TNFRSF11B: variants seen among roughly 807,000 people sequenced by gnomAD.
TNFRSF11B encodes TNF receptor superfamily member 11b.
A neutral mutation model predicts 43.4 loss-of-function variants in TNFRSF11B; 16 were observed. The ratio of observed to expected loss-of-function variants is 0.37; its 90% CI spans 0.25 to 0.56. The LOEUF is 0.56. Among genes scored for constraint, TNFRSF11B ranks in the 20% least tolerant of loss-of-function variants. TNFRSF11B has a pLI of 0.80. For missense variants in TNFRSF11B, 444 were observed against 490.1 expected (o/e 0.91, Z 0.89); for synonymous variants, 185 against 181.8 (o/e 1.02, Z -0.14).
chr8:118,927,936 C>T (rs1253484589), intron 3 of TNFRSF11B, among the ~76,000 whole-genome samples: 1 of 152,062 alleles, frequency 6.6e-6, no homozygotes. Flanking sequence ...GAGCTTAACA[C>T]AACCAGAGTA....
intron 1 of TNFRSF11B, among the ~76,000 whole-genome samples, chr8:118,937,732 CTG>C (rs1812423230): frequency 6.6e-6 from 1 of 152,130 alleles, no homozygotes; most frequent in Admixed American, 6.5e-5. Flanking sequence ...GGTGAGATAA[CTG>C]TTAAAACAGG....
At chr8:118,928,605 C>G (rs957455748) in intron 3 of TNFRSF11B, 133 bp downstream of exon 3, 6 of 976,980 alleles carry the variant, frequency 6.1e-6, no homozygotes, top group Non-Finnish European at 8.1e-6. Context: ...TCGAGAGTAG[C>G]CTTAGCTGGT....
Position 118,936,704 on chromosome 8 carries a change from C to T in TNFRSF11B, c.31-3404G>A, listed in dbSNP as rs371878824. Among the ~76,000 whole-genome samples, 26 of 151,964 alleles carry T rather than the reference C, an allele frequency of 1.7e-4. No homozygotes were observed. The East Asian group carries it at 2.3e-3, about 14-fold the overall frequency. ...TCTGCCCAAGCTGGGACACATGCAT[C>T]GGTGTGTCTGAGGAAGGATGAGGTG... On this transcript the variant is annotated intron_variant, in intron 1 of 4. Coordinates refer to ENST00000297350, the MANE Select transcript of TNFRSF11B (RefSeq NM_002546.4).
chr8:118,936,596 C>T (rs540278695), intron 1 of TNFRSF11B, among the ~76,000 whole-genome samples: 333 of 152,228 alleles, frequency 2.2e-3, no homozygotes, highest in Non-Finnish European at 3.8e-3. Context: ...TTGGATACAG[C>T]TCCTTTGCCA....
intron 1 of TNFRSF11B, among the ~76,000 whole-genome samples, chr8:118,935,791 C>T (rs564797300): frequency 1.4e-5 from 2 of 140,638 alleles, no homozygotes; most frequent in South Asian, 4.6e-4. Context: ...TTTCAAGAGG[C>T]CTGGCTTAGA....
intron 1 of TNFRSF11B, 115 bp downstream of exon 1, chr8:118,951,677 T>G: frequency 9.5e-7 from 1 of 1,047,182 alleles, no homozygotes; most frequent in Admixed American, 2.0e-5. Context: ...CCCAAGCCTC[T>G]CCTGGGAGGG....
intron 1 of TNFRSF11B, among the ~76,000 whole-genome samples, chr8:118,935,216 G>T (rs971304715): frequency 5.9e-5 from 9 of 152,164 alleles, no homozygotes; most frequent in Admixed American, 2.0e-4. Flanking sequence ...AATTGTCTCA[G>T]GTGGAGTGGG....
intron 1 of TNFRSF11B, among the ~76,000 whole-genome samples, chr8:118,939,684 G>A (rs185613927): frequency 2.0e-5 from 3 of 152,320 alleles, no homozygotes; most frequent in Non-Finnish European, 4.4e-5. Flanking sequence ...ACATCTATCT[G>A]CCTTCTATAT....
At chr8:118,927,639 G>T (rs1333588119) in intron 3 of TNFRSF11B, among the ~76,000 whole-genome samples, 1 of 149,796 alleles carries the variant, frequency 6.7e-6, no homozygotes, top group Non-Finnish European at 1.5e-5. Flanking sequence ...TGCTGGAACT[G>T]GGTTAGAATC....
chr8:118,951,829 C>T lies in TNFRSF11B; in HGVS notation c.-8G>A, dbSNP rs199763003. 6.9e-6 allele frequency: 11 copies of T among 1,588,402 alleles called. No homozygotes were observed. In the Admixed American group the frequency reaches 1.0e-4, roughly 15 times the overall value. ...GCACAGCAAGTTGTTCATTGTGGTC[C>T]CCGGAAACCTCAGGGGCTTGGAGGC... is the stretch of plus-strand genomic sequence containing the variant. On this transcript the variant is annotated 5_prime_UTR_variant, in exon 1 of 5. Transcript: ENST00000297350.
At chr8:118,927,968 GATGCACTA>G (rs1812269597) in intron 3 of TNFRSF11B, among the ~76,000 whole-genome samples, 1 of 151,932 alleles carries the variant, frequency 6.6e-6, no homozygotes, top group African/African-American at 2.4e-5. Context: ...CCATGCAATA[GATGCACTA>G]ATACCATAGG....
chr8:118,924,223 T>A lies in TNFRSF11B; in HGVS notation c.*151A>T. 1 of 794,994 alleles carries A rather than the reference T, an allele frequency of 1.3e-6. No homozygotes were observed. The highest frequency in any genetic ancestry group is 1.5e-5 in the South Asian group (1 of 64,964). 49.2% of individuals were successfully genotyped at this position (794,994 alleles called of 1,614,324 possible). The stretch of plus-strand genomic sequence containing the variant: ...TATTGGAGGAGATGTTAGTCCTTTC[T>A]CCACATCATAGTTTCTTTTAGTACC... On this transcript the variant is annotated 3_prime_UTR_variant, in exon 5 of 5. Transcript: ENST00000297350.
intron 1 of TNFRSF11B, among the ~76,000 whole-genome samples, chr8:118,948,759 TAAAAC>T (rs199999698): frequency 0.019 from 2,806 of 147,798 alleles, 32 homozygotes; most frequent in Non-Finnish European, 0.024. Flanking sequence ...TTCATTCTCT[TAAAAC>T]AAAACAACAA....
At chr8:118,946,273 C>T (rs962516492) in intron 1 of TNFRSF11B, among the ~76,000 whole-genome samples, 10 of 152,216 alleles carry the variant, frequency 6.6e-5, no homozygotes, top group Middle Eastern at 3.4e-3. Context: ...AGCCTCAGAA[C>T]GTTCATTTAG....
intron 2 of TNFRSF11B, among the ~76,000 whole-genome samples, chr8:118,932,393 A>T (rs986028896): frequency 5.3e-5 from 8 of 152,098 alleles, no homozygotes; most frequent in African/African-American, 1.9e-4. Context: ...CCTCCCAAAC[A>T]CTCAGCTCCC....
chr8:118,926,739 C>T (rs1448184945), intron 3 of TNFRSF11B, 21 bp from the exon 4 acceptor site: 1 of 1,598,866 alleles, frequency 6.3e-7, no homozygotes, highest in East Asian at 2.2e-5. Context: ...GTTAGAAAAC[C>T]CAGAAGATTT....
At chr8:118,928,011 A>AAT (rs1393976997) in intron 3 of TNFRSF11B, among the ~76,000 whole-genome samples, 1 of 135,248 alleles carries the variant, frequency 7.4e-6, no homozygotes, top group East Asian at 2.4e-4. Context: ...ACACATTTCT[A>AAT]ATGTGTGTGT....
intron 2 of TNFRSF11B, among the ~76,000 whole-genome samples, chr8:118,931,316 G>T (rs1379686183): frequency 6.6e-6 from 1 of 152,150 alleles, no homozygotes; most frequent in Non-Finnish European, 1.5e-5. Context: ...TGTGCTGCCA[G>T]TGTACACAGA....
chr8:118,950,091 A>C (rs1165950502), intron 1 of TNFRSF11B, among the ~76,000 whole-genome samples: 1 of 152,216 alleles, frequency 6.6e-6, no homozygotes, highest in African/African-American at 2.4e-5. Flanking sequence ...ACATATAAAA[A>C]TATTTTACTA....
Sources: gnomAD v4.1 joint callset for allele counts (sites outside exome capture counted in the v4.1 genomes callset) on GRCh38, gnomAD v4.1.1 for gene constraint, MANE v1.5 for transcripts, NCBI Gene and HGNC (gene_info 2026-07-23, HGNC 2026-07-21) for gene names.